HPSE2: variants seen among roughly 807,000 people sequenced by gnomAD.
The protein encoded by HPSE2 is inactive heparanase-2.
HPSE2 carries 38 observed loss-of-function variants against 60.5 expected under a neutral mutation model. That is an observed-to-expected ratio of 0.63 (90% CI 0.48 to 0.82). The LOEUF (loss-of-function observed/expected upper bound fraction) is 0.82, where lower values mean the gene tolerates loss of function less well. HPSE2 is among the 40% of genes least tolerant of loss of function. HPSE2 has a pLI of 0.00. For missense variants in HPSE2, 713 were observed against 740.4 expected (o/e 0.96, Z 0.43); for synonymous variants, 295 against 293.2 (o/e 1.01, Z -0.06).
chr10:98,697,216 A>G (rs1948248372), intron 5 of HPSE2, among the ~76,000 whole-genome samples: 1 of 152,192 alleles, frequency 6.6e-6, no homozygotes, highest in African/African-American at 2.4e-5. Context: ...CGCTGAGCTC[A>G]AGGAGCATGT....
Position 99,088,924 on chromosome 10 carries a change from G to T in HPSE2, c.610+55314C>A, listed in dbSNP as rs185326427. 1.8e-3 allele frequency among the ~76,000 whole-genome samples: 275 copies of T among 152,116 alleles called. 1 individual carries two copies. The highest frequency in any genetic ancestry group is 3.1e-3 in the Non-Finnish European group (209 of 67,952). On this transcript the variant is annotated intron_variant, in intron 3 of 11. Coordinates refer to ENST00000370552, the MANE Select transcript of HPSE2 (RefSeq NM_021828.5). The stretch of plus-strand genomic sequence containing the variant: ...AAGATGGTATCACATGCATTTCCCT[G>T]ATAATTAATGAGGTTGAACATTTTT...
At chr10:98,869,807 C>G (rs1294483377) in intron 3 of HPSE2, among the ~76,000 whole-genome samples, 1 of 152,110 alleles carries the variant, frequency 6.6e-6, no homozygotes, top group Non-Finnish European at 1.5e-5. Context: ...CTTTTCCTCT[C>G]AGCCATAGTT....
the HPSE2 span, among the ~76,000 whole-genome samples, chr10:99,305,076 T>C: frequency 6.6e-6 from 1 of 152,198 alleles, no homozygotes; most frequent in African/African-American, 2.4e-5. Context: ...TTTGCCAATA[T>C]GGGCACAGCT....
chr10:98,775,063 C>A (rs1480792498), intron 3 of HPSE2, among the ~76,000 whole-genome samples: 1 of 152,156 alleles, frequency 6.6e-6, no homozygotes, highest in Non-Finnish European at 1.5e-5. Flanking sequence ...GCTCTTTTCT[C>A]CATATGCTGA....
intron 3 of HPSE2, among the ~76,000 whole-genome samples, chr10:99,127,401 G>A (rs972799089): frequency 6.6e-6 from 1 of 152,132 alleles, no homozygotes; most frequent in African/African-American, 2.4e-5. Flanking sequence ...AAGAACTTCA[G>A]AGCTCAAAGA....
At chr10:99,224,597 T>TC (rs1347718789) in intron 2 of HPSE2, among the ~76,000 whole-genome samples, 4 of 152,010 alleles carry the variant, frequency 2.6e-5, no homozygotes, top group Non-Finnish European at 5.9e-5. Context: ...ACTACAGGAG[T>TC]CCAGATCACA....
intron 3 of HPSE2, among the ~76,000 whole-genome samples, chr10:98,938,809 G>GA (rs1404963658): frequency 1.4e-5 from 2 of 143,726 alleles, no homozygotes; most frequent in Non-Finnish European, 3.0e-5. Context: ...TGAAATGAAG[G>GA]AAAAAATGTT....
chr10:99,133,379 C>T (rs1372688235), intron 3 of HPSE2, among the ~76,000 whole-genome samples: 2 of 152,314 alleles, frequency 1.3e-5, no homozygotes, highest in South Asian at 2.1e-4. Flanking sequence ...GCACAGCATT[C>T]GAGCTCTGCT....
intron 9 of HPSE2, among the ~76,000 whole-genome samples, chr10:98,591,681 T>C (rs1564994412): frequency 6.6e-6 from 1 of 151,106 alleles, no homozygotes; most frequent in African/African-American, 2.4e-5. Context: ...TAAAATAAAA[T>C]AAATAAATAA....
At chr10:98,609,135 A>T (rs1422597741) in intron 9 of HPSE2, among the ~76,000 whole-genome samples, 1 of 152,170 alleles carries the variant, frequency 6.6e-6, no homozygotes, top group Non-Finnish European at 1.5e-5. Flanking sequence ...CAGCTCAGGC[A>T]TTGTTTCCTC....
chr10:98,626,135 A>AAAGAAAG (rs1946207405), intron 7 of HPSE2, among the ~76,000 whole-genome samples: 3 of 151,706 alleles, frequency 2.0e-5, no homozygotes, highest in African/African-American at 7.3e-5. Flanking sequence ...AAAAAAGAAA[A>AAAGAAAG]AAGATGAATA....
At chr10:99,308,102 A>T in the HPSE2 span, among the ~76,000 whole-genome samples, 3 of 152,048 alleles carry the variant, frequency 2.0e-5, no homozygotes, top group African/African-American at 4.8e-5. Flanking sequence ...AAATGGAAAC[A>T]ATCGGCCAGG....
chr10:98,560,802 G>A (rs1256271785), intron 9 of HPSE2, among the ~76,000 whole-genome samples: 1 of 152,178 alleles, frequency 6.6e-6, no homozygotes, highest in Admixed American at 6.5e-5. Flanking sequence ...CCATTGTAAT[G>A]TAGTGTGACA....
intron 3 of HPSE2, among the ~76,000 whole-genome samples, chr10:98,761,117 CTCTTATAATCCTTTGTATT>C (rs1949994852): frequency 6.6e-6 from 1 of 152,002 alleles, no homozygotes; most frequent in Admixed American, 6.6e-5. Context: ...TTGTAGTAGT[CTCTTATAATCCTTTGTATT>C]TCTGTGGTAT....
intron 9 of HPSE2, among the ~76,000 whole-genome samples, chr10:98,520,271 T>C (rs141426229): frequency 1.3e-5 from 2 of 152,268 alleles, no homozygotes; most frequent in African/African-American, 4.8e-5. Context: ...CTTGAGGAAA[T>C]TCTAAGTTTA....
chr10:98,946,781 G>A (rs1955197523), intron 3 of HPSE2, among the ~76,000 whole-genome samples: 1 of 152,048 alleles, frequency 6.6e-6, no homozygotes, highest in African/African-American at 2.4e-5. Flanking sequence ...AAATTAACTA[G>A]TATCTATTGT....
At chr10:98,856,827 G>A (rs1259623865) in intron 3 of HPSE2, among the ~76,000 whole-genome samples, 3 of 152,058 alleles carry the variant, frequency 2.0e-5, no homozygotes, top group Non-Finnish European at 4.4e-5. Flanking sequence ...ATTATGTTAA[G>A]TAAAAAATCA....
intron 3 of HPSE2, among the ~76,000 whole-genome samples, chr10:98,909,836 T>C (rs1457302322): frequency 6.6e-6 from 1 of 152,018 alleles, no homozygotes; most frequent in Non-Finnish European, 1.5e-5. Context: ...CACATAAAAG[T>C]TTAGTAAACT....
chr10:98,678,238 A>T (rs1450136211), intron 6 of HPSE2, among the ~76,000 whole-genome samples: 1 of 152,098 alleles, frequency 6.6e-6, no homozygotes, highest in Non-Finnish European at 1.5e-5. Flanking sequence ...ATTCCCCAGG[A>T]CAATTTTTCT....
Sources: gnomAD v4.1 joint callset for allele counts (sites outside exome capture counted in the v4.1 genomes callset) on GRCh38, gnomAD v4.1.1 for gene constraint, MANE v1.5 for transcripts, NCBI Gene and HGNC (gene_info 2026-07-23, HGNC 2026-07-21) for gene names.